The following MAN1C1 variants were observed in gnomAD, a reference collection of about 807,000 sequenced individuals.
MAN1C1 encodes mannosidase alpha class 1C member 1.
MAN1C1 carries 49 observed loss-of-function variants against 71.5 expected under a neutral mutation model. The observed-to-expected ratio is 0.69, with a 90% confidence interval of 0.54 to 0.87. The LOEUF (loss-of-function observed/expected upper bound fraction) is 0.87, where lower values mean the gene tolerates loss of function less well. MAN1C1 is among the 40% of genes least tolerant of loss of function. The pLI is 0.00. For missense variants in MAN1C1, 743 were observed against 835.0 expected, an observed-to-expected ratio of 0.89 and a Z score of 1.36; for synonymous variants, 352 against 343.7, an observed-to-expected ratio of 1.02 and a Z score of -0.27.
In MAN1C1 at chr1:25,753,807, G is replaced by GA. The variant is rs1238125738; in HGVS notation, c.929+232dup. 1.3e-5 allele frequency among the ~76,000 whole-genome samples: 2 copies of GA among 152,190 alleles called. No homozygotes were observed. The highest frequency in any genetic ancestry group is 2.9e-5 in the Non-Finnish European group (2 of 68,032). On this transcript the variant is annotated intron_variant, in intron 5 of 11. Transcript: ENST00000374332. This position sits in a 1 kb window ranked among gnomAD's most constrained non-coding sequence, Gnocchi z 4.9. ...AGCCACAGTGAGTCGGTGGCACGGT[G>GA]AAAGTGCCAGCGACTTCCCTGGACA...
rs564507630 is a variant in MAN1C1 at position 25,740,794 on chromosome 1, G to A, written c.638-5874G>A. On this transcript the variant is annotated intron_variant, in intron 2 of 11. Coordinates refer to ENST00000374332, the MANE Select transcript of MAN1C1 (RefSeq NM_020379.4). ...AACGCTGAGGACAGATGGGTGGATC[G>A]GGGAAGAGGGAAGGGCAAGGGTAGA... 4.6e-5 allele frequency among the ~76,000 whole-genome samples: 7 copies of A among 152,262 alleles called. No individual in the cohort carries two copies. The South Asian group carries it at 8.3e-4, about 18-fold the overall frequency.
chr1:25,774,149 TC>T (rs1286123940), intron 8 of MAN1C1, among the ~76,000 whole-genome samples: 3 of 152,146 alleles, frequency 2.0e-5, no homozygotes, highest in Admixed American at 6.5e-5. Context: ...TTTAAAAAGT[TC>T]CTTCCACAAT....
intron 7 of MAN1C1, among the ~76,000 whole-genome samples, chr1:25,767,838 A>C (rs1313215456): frequency 1.3e-4 from 12 of 94,316 alleles, no homozygotes; most frequent in Admixed American, 3.4e-4. Flanking sequence ...CACACACACT[A>C]CACACACATT....
chr1:25,771,753 T>A lies in MAN1C1; in HGVS notation c.1238T>A (p.Met413Lys), dbSNP rs960360386. Residue 413 changes from methionine to lysine, a missense_variant, in exon 8 of 12, where the codon ATG (methionine) becomes AAG (lysine). Physicochemically the swap from Met to Lys is moderately conservative, Grantham distance 95. Coordinates refer to ENST00000374332, the MANE Select transcript of MAN1C1 (RefSeq NM_020379.4). Reference sequence around the variant, plus strand: ...AAGACAGATATGGAGGCTAAAAATATGTACTACGAAGCCTTGGAGGTAAGA... The same window carrying A: ...AAGACAGATATGGAGGCTAAAAATAAGTACTACGAAGCCTTGGAGGTAAGA... ...SGKTDMEAKN[M>K]YYEALEAIET... 1.2e-6 allele frequency: 2 copies of A among 1,613,680 alleles called. No homozygotes were observed. Among genetic ancestry groups the A allele is most frequent in the East Asian group, 2.2e-5 (1 of 44,884 alleles).
At chr1:25,677,158 A>G (rs778527570) in intron 1 of MAN1C1, among the ~76,000 whole-genome samples, 40 of 152,312 alleles carry the variant, frequency 2.6e-4, no homozygotes, top group Non-Finnish European at 4.6e-4. Flanking sequence ...ATTCCGTGTC[A>G]TTTTGATTTG....
At chr1:25,656,836 T>A (rs1478141566) in intron 1 of MAN1C1, among the ~76,000 whole-genome samples, 2 of 151,778 alleles carry the variant, frequency 1.3e-5, no homozygotes, top group Non-Finnish European at 2.9e-5. Context: ...GTCTTTTTTT[T>A]TTTTTTTGAG....
intron 2 of MAN1C1, among the ~76,000 whole-genome samples, chr1:25,742,238 A>G (rs965275113): frequency 2.0e-5 from 3 of 152,212 alleles, no homozygotes; most frequent in Non-Finnish European, 4.4e-5. Flanking sequence ...CCCTTCCTAC[A>G]TGGGTACTGA....
In MAN1C1 at chr1:25,650,314, GACC is replaced by G. The variant is rs1572120865; in HGVS notation, c.540+31978_540+31980del. ...GGCATCTGGCTCATGGCTGGGCTGT[GACC>G]TTAATGAATGTGTGTAAATTTGACC... On this transcript the variant is annotated intron_variant, in intron 1 of 11. Transcript: ENST00000374332. 2.0e-5 allele frequency among the ~76,000 whole-genome samples: 3 copies of G among 152,344 alleles called. No homozygotes were observed. The East Asian group carries it at 5.8e-4, about 29-fold the overall frequency.
intron 2 of MAN1C1, among the ~76,000 whole-genome samples, chr1:25,701,739 T>C (rs2046447126): frequency 6.6e-6 from 1 of 152,224 alleles, no homozygotes; most frequent in South Asian, 2.1e-4. Context: ...TTCACCCTTG[T>C]GTCCCTCCTC....
chr1:25,637,098 T>C (rs2045472895), intron 1 of MAN1C1, among the ~76,000 whole-genome samples: 1 of 152,012 alleles, frequency 6.6e-6, no homozygotes, highest in African/African-American at 2.4e-5. Context: ...AAGGTTGCAG[T>C]GAGCTGAGAT....
At chr1:25,758,472 A>G in intron 5 of MAN1C1, 120 bp from the exon 6 acceptor site, 5 of 795,918 alleles carry the variant, frequency 6.3e-6, no homozygotes, top group Non-Finnish European at 1.1e-5. Flanking sequence ...GTACGGCGAA[A>G]GCTCCTGGTT....
At chr1:25,638,853 T>C (rs114398567) in intron 1 of MAN1C1, among the ~76,000 whole-genome samples, 3,027 of 152,248 alleles carry the variant, frequency 0.02, 106 homozygotes, top group African/African-American at 0.068. Flanking sequence ...TGATTGTCGT[T>C]GTTGATCTTT....
chr1:25,663,297 G>A (rs1267444247), intron 1 of MAN1C1, among the ~76,000 whole-genome samples: 1 of 151,754 alleles, frequency 6.6e-6, no homozygotes, highest in Non-Finnish European at 1.5e-5. Context: ...CTTAGCATAT[G>A]GGAGCACTTA....
rs1304604045 is a variant in MAN1C1, at chr1:25,636,843, G to A, written c.540+18506G>A. Among the ~76,000 whole-genome samples, 6 of 152,260 alleles carry A rather than the reference G, an allele frequency of 3.9e-5. No homozygotes were observed. In the East Asian group the frequency reaches 9.6e-4, roughly 24 times the overall value. On this transcript the variant is annotated intron_variant, in intron 1 of 11. Coordinates refer to ENST00000374332, the MANE Select transcript of MAN1C1 (RefSeq NM_020379.4). ...TGCTGTGGCTCCAGCTGGTCCCTCC[G>A]TTCAGGATCCCTGACTTCCCACAAC...
intron 1 of MAN1C1, among the ~76,000 whole-genome samples, chr1:25,652,960 G>A (rs1417245737): frequency 6.6e-6 from 1 of 152,126 alleles, no homozygotes; most frequent in Admixed American, 6.5e-5. Flanking sequence ...GTCTCGCCAT[G>A]TTGCCCAGGC....
rs1018881201 is a variant in MAN1C1, at chr1:25,734,061, G to A, written c.638-12607G>A. 1.8e-4 allele frequency among the ~76,000 whole-genome samples: 27 copies of A among 151,822 alleles called. No homozygotes were observed. In the South Asian group the frequency reaches 2.5e-3, roughly 14 times the overall value. On this transcript the variant is annotated intron_variant, in intron 2 of 11. Transcript: ENST00000374332. ...TGATCCGCCCACCTCGGCCTCCCAA[G>A]GTGCTGGGATTACAGGCGTGAGCCA...
intron 2 of MAN1C1, among the ~76,000 whole-genome samples, chr1:25,728,939 C>T (rs1309354346): frequency 1.3e-5 from 2 of 152,200 alleles, no homozygotes; most frequent in African/African-American, 2.4e-5. Context: ...TGGTCTGAGA[C>T]CTGGAAGAAG....
At position 25,725,418 on chromosome 1, in the gene MAN1C1, G is replaced by A. The variant is rs1312200521; in HGVS notation, c.638-21250G>A. Among the ~76,000 whole-genome samples the A allele has an allele frequency of 2.0e-5, 3 of 152,360 alleles. No individual in the cohort carries two copies. The South Asian group carries it at 6.2e-4, about 32-fold the overall frequency. ...AAAGTGCTACGGGAATACAGAGGAA[G>A]GAGCCACTGATTCTGCCTCTGGGAA... On this transcript the variant is annotated intron_variant, in intron 2 of 11. Coordinates refer to ENST00000374332, the MANE Select transcript of MAN1C1 (RefSeq NM_020379.4). This position sits in a 1 kb window ranked among gnomAD's most constrained non-coding sequence, Gnocchi z 4.8.
At position 25,626,649 on chromosome 1, in the gene MAN1C1, C is replaced by T. The variant is rs572073363; in HGVS notation, c.540+8312C>T. Reference sequence around the variant, plus strand: ...CTGGGATTACAGGTGTGAGCCACTGCGCCCGGCCGTTTATTTGCTGTTTCT... The same window carrying T: ...CTGGGATTACAGGTGTGAGCCACTGTGCCCGGCCGTTTATTTGCTGTTTCT... On this transcript the variant is annotated intron_variant, in intron 1 of 11. Coordinates refer to ENST00000374332, the MANE Select transcript of MAN1C1 (RefSeq NM_020379.4). Among the ~76,000 whole-genome samples the T allele has an allele frequency of 5.4e-4, 82 of 152,226 alleles. 1 individual carries two copies. The South Asian group carries it at 0.012, about 22-fold the overall frequency.
Sources: allele counts gnomAD v4.1 joint callset (sites outside exome capture counted in the v4.1 genomes callset), GRCh38; gene constraint gnomAD v4.1.1; non-coding constraint Gnocchi (gnomAD v3.1); transcripts MANE v1.5; gene names NCBI Gene and HGNC (gene_info 2026-07-23, HGNC 2026-07-21).